Variants in SCAI observed in about 807,000 individuals in gnomAD.
The protein encoded by SCAI is suppressor of cancer cell invasion.
Under a neutral mutation model 92.2 loss-of-function variants are expected in SCAI, and 24 were observed. The ratio of observed to expected loss-of-function variants is 0.26; its 90% CI spans 0.19 to 0.37. The LOEUF is 0.37. SCAI is among the 10% of genes least tolerant of loss of function. The pLI is 1.00. For synonymous variants in SCAI, 261 were observed against 258.6 expected (o/e 1.01, Z -0.09); for missense variants, 450 against 736.2 (o/e 0.61, Z 4.50).
At chr9:125,132,320 G>C (rs1490150627) in intron 2 of SCAI, among the ~76,000 whole-genome samples, 1 of 151,950 alleles carries the variant, frequency 6.6e-6, no homozygotes, top group Non-Finnish European at 1.5e-5. Flanking sequence ...CATCACGTTA[G>C]CCAGGCTGGT....
intron 2 of SCAI, among the ~76,000 whole-genome samples, chr9:125,138,829 G>A (rs144990662): frequency 6.4e-4 from 97 of 152,294 alleles, no homozygotes; most frequent in East Asian, 3.5e-3. Flanking sequence ...GATTACGGGC[G>A]TGAGCCACCA....
intron 2 of SCAI, among the ~76,000 whole-genome samples, chr9:125,058,595 T>C (rs1241439766): frequency 6.6e-6 from 1 of 152,172 alleles, no homozygotes; most frequent in Non-Finnish European, 1.5e-5. Flanking sequence ...TGTGTCTACA[T>C]AAGCACACAC....
intron 3 of SCAI, among the ~76,000 whole-genome samples, chr9:125,041,389 T>C (rs906564251): frequency 3.3e-5 from 5 of 152,226 alleles, no homozygotes; most frequent in Non-Finnish European, 1.5e-5. Context: ...TGTATTATTA[T>C]GTACAAGCAT....
At chr9:125,109,218 T>C (rs965164155) in intron 2 of SCAI, among the ~76,000 whole-genome samples, 2 of 152,180 alleles carry the variant, frequency 1.3e-5, no homozygotes, top group Non-Finnish European at 2.9e-5. Flanking sequence ...ACACAAACAC[T>C]GCGGAAGGCC....
chr9:124,971,424 G>T lies in SCAI; in HGVS notation c.1620C>A (p.Leu540=). 6.2e-7 allele frequency: 1 copy of T among 1,613,008 alleles called. No individual in the cohort carries two copies. The highest frequency in any genetic ancestry group is 8.5e-7 in the Non-Finnish European group (1 of 1,179,670). ...QFFGDEFLRL[L]LTRFIFCSAT... The stretch of plus-strand genomic sequence containing the variant: ...CTGAACAAAAGATAAATCTTGTGAG[G>T]AGCAAGCGAAGAAATTCATCTCCAA... The change falls in exon 17 of 18, where the codon CTC becomes CTA. Residue 540 remains leucine (L), a synonymous_variant. Transcript: ENST00000336505.
chr9:125,115,118 A>G (rs1358530535), intron 2 of SCAI, among the ~76,000 whole-genome samples: 2 of 151,762 alleles, frequency 1.3e-5, no homozygotes, highest in African/African-American at 4.8e-5. Flanking sequence ...CATGCCTGTA[A>G]TCCCAGCACT....
At chr9:125,133,927 A>G (rs977535236) in intron 2 of SCAI, among the ~76,000 whole-genome samples, 2 of 152,180 alleles carry the variant, frequency 1.3e-5, no homozygotes, top group Non-Finnish European at 2.9e-5. Flanking sequence ...GCCTCTACTC[A>G]CTAGGTGCTC....
intron 2 of SCAI, among the ~76,000 whole-genome samples, chr9:125,126,725 G>T (rs1835288290): frequency 6.6e-6 from 1 of 152,208 alleles, no homozygotes; most frequent in South Asian, 2.1e-4. Context: ...ACACTCAAGG[G>T]AGGAGAATTC....
chr9:124,976,241 C>T, intron 14 of SCAI, 55 bp from the exon 15 acceptor site: 2 of 1,250,420 alleles, frequency 1.6e-6, no homozygotes, highest in Non-Finnish European at 1.2e-6. Context: ...AAGATAGTTA[C>T]TTAGTAATTT....
intron 11 of SCAI, 101 bp downstream of exon 11, chr9:125,003,013 A>T: frequency 1.4e-6 from 1 of 720,818 alleles, no homozygotes; most frequent in African/African-American, 1.8e-5. Flanking sequence ...TCATTTTTAT[A>T]TTTTACCTAA....
intron 2 of SCAI, among the ~76,000 whole-genome samples, chr9:125,134,005 G>A (rs573841322): frequency 6.6e-6 from 1 of 152,266 alleles, no homozygotes; most frequent in East Asian, 1.9e-4. Flanking sequence ...AACCCCCTTA[G>A]TTGAGAACCA....
At chr9:125,109,082 A>G (rs1477465804) in intron 2 of SCAI, among the ~76,000 whole-genome samples, 1 of 152,232 alleles carries the variant, frequency 6.6e-6, no homozygotes, top group Admixed American at 6.5e-5. Flanking sequence ...TCTCTGAAAC[A>G]TGTGCTGTGT....
chr9:125,047,324 G>C (rs1180019309), intron 3 of SCAI, among the ~76,000 whole-genome samples: 2 of 152,192 alleles, frequency 1.3e-5, no homozygotes, highest in Non-Finnish European at 2.9e-5. Flanking sequence ...AATCCAAGGA[G>C]AGAGGGCTCA....
chr9:125,065,124 T>C (rs987922083), intron 2 of SCAI, among the ~76,000 whole-genome samples: 2 of 151,596 alleles, frequency 1.3e-5, no homozygotes, highest in African/African-American at 4.8e-5. Flanking sequence ...ATAGATGAAA[T>C]TAATTAAATA....
At chr9:125,134,587 G>A (rs939113245) in intron 2 of SCAI, among the ~76,000 whole-genome samples, 1 of 152,176 alleles carries the variant, frequency 6.6e-6, no homozygotes, top group Non-Finnish European at 1.5e-5. Flanking sequence ...GACCAGAAAG[G>A]ATTCTCCAAC....
At chr9:125,015,885 A>G (rs1255248649) in intron 9 of SCAI, among the ~76,000 whole-genome samples, 2 of 152,000 alleles carry the variant, frequency 1.3e-5, no homozygotes, top group East Asian at 3.9e-4. Flanking sequence ...TTGTAGGGAC[A>G]TGGATGAAAT....
At chr9:125,069,786 C>T (rs575623970) in intron 2 of SCAI, among the ~76,000 whole-genome samples, 1 of 151,826 alleles carries the variant, frequency 6.6e-6, no homozygotes, top group South Asian at 2.1e-4. Flanking sequence ...CCACACCTGG[C>T]TGATTTTTGT....
chr9:125,135,344 A>G (rs1320586517), intron 2 of SCAI, among the ~76,000 whole-genome samples: 1 of 152,244 alleles, frequency 6.6e-6, no homozygotes, highest in East Asian at 1.9e-4. Flanking sequence ...TAACATCAAT[A>G]TCCTAAAATA....
intron 2 of SCAI, among the ~76,000 whole-genome samples, chr9:125,116,274 T>C (rs1380586686): frequency 2.0e-5 from 3 of 152,220 alleles, no homozygotes; most frequent in Non-Finnish European, 4.4e-5. Flanking sequence ...AAAGTATTAT[T>C]TATTCAACAA....
Sources: gnomAD v4.1 joint callset for allele counts (sites outside exome capture counted in the v4.1 genomes callset) on GRCh38, gnomAD v4.1.1 for gene constraint, MANE v1.5 for transcripts, NCBI Gene and HGNC (gene_info 2026-07-23, HGNC 2026-07-21) for gene names.